The following SEMA3D variants were observed in gnomAD, a reference collection of about 807,000 sequenced individuals.
The protein encoded by SEMA3D is semaphorin-3D.
SEMA3D carries 84 observed loss-of-function variants against 100.1 expected under a neutral mutation model. The observed-to-expected ratio is 0.84, with a 90% CI of 0.70 to 1.01. The LOEUF is 1.01. SEMA3D is among the 50% of genes least tolerant of loss of function. The pLI is 0.00. For synonymous variants in SEMA3D, 312 were observed against 320.7 expected (o/e 0.97, Z 0.29); for missense variants, 875 against 934.1 (o/e 0.94, Z 0.82).
intron 4 of SEMA3D, among the ~76,000 whole-genome samples, chr7:85,082,148 T>A (rs1167520063): frequency 6.6e-6 from 1 of 152,212 alleles, no homozygotes; most frequent in Non-Finnish European, 1.5e-5. Flanking sequence ...CTGTACTTAT[T>A]CTTCCCATTT....
chr7:85,089,612 G>A (rs766317746), intron 4 of SEMA3D, among the ~76,000 whole-genome samples: 1 of 152,160 alleles, frequency 6.6e-6, no homozygotes, highest in East Asian at 1.9e-4. Context: ...GGGTGCCATG[G>A]CTCATGCCCT....
chr7:85,051,216 GA>G (rs931077291), intron 9 of SEMA3D, among the ~76,000 whole-genome samples: 4 of 151,806 alleles, frequency 2.6e-5, no homozygotes, highest in African/African-American at 9.7e-5. Flanking sequence ...TTTAGGTTAA[GA>G]AACTGAGAGA....
chr7:85,021,186 G>C (rs1360321019), intron 13 of SEMA3D, among the ~76,000 whole-genome samples: 1 of 151,504 alleles, frequency 6.6e-6, no homozygotes, highest in South Asian at 2.1e-4. Flanking sequence ...AATAACTCTG[G>C]GATCTTTAAA....
At chr7:85,217,784 T>C in the SEMA3D span, among the ~76,000 whole-genome samples, 1 of 152,114 alleles carries the variant, frequency 6.6e-6, no homozygotes, top group African/African-American at 2.4e-5. Flanking sequence ...TCCTCATTTA[T>C]ACATGGAGAT....
intron 2 of SEMA3D, among the ~76,000 whole-genome samples, chr7:85,122,139 G>A (rs1227549704): frequency 1.3e-5 from 2 of 151,450 alleles, no homozygotes; most frequent in Non-Finnish European, 2.9e-5. Flanking sequence ...TAATGTAGAT[G>A]ACAGGTTGAT....
intron 8 of SEMA3D, 117 bp from the exon 9 acceptor site, chr7:85,055,976 A>C (rs1026687624): frequency 1.9e-6 from 1 of 524,344 alleles, no homozygotes; most frequent in East Asian, 3.7e-5. Context: ...ATGAACTATA[A>C]GCCAGATGTG....
At chr7:85,194,587 G>C in the SEMA3D span, among the ~76,000 whole-genome samples, 1 of 152,066 alleles carries the variant, frequency 6.6e-6, no homozygotes, top group Non-Finnish European at 1.5e-5. Context: ...TTTCAATCCA[G>C]GGTTCTACAG....
chr7:85,196,350 A>G, the SEMA3D span, among the ~76,000 whole-genome samples: 6 of 151,608 alleles, frequency 4.0e-5, no homozygotes, highest in Non-Finnish European at 5.9e-5. Context: ...GAAAACAAAC[A>G]AACAAACAAA....
At chr7:85,222,062 T>C in the SEMA3D span, among the ~76,000 whole-genome samples, 2 of 152,234 alleles carry the variant, frequency 1.3e-5, no homozygotes, top group South Asian at 2.1e-4. Context: ...TGTACATTAC[T>C]AGACCAATTT....
chr7:85,038,274 T>C (rs868058938), intron 11 of SEMA3D, among the ~76,000 whole-genome samples: 37 of 152,288 alleles, frequency 2.4e-4, no homozygotes, highest in African/African-American at 8.7e-4. Flanking sequence ...ATTATTAATA[T>C]TCTTGGAATG....
At chr7:85,110,384 T>C (rs1353249675) in intron 3 of SEMA3D, among the ~76,000 whole-genome samples, 1 of 151,976 alleles carries the variant, frequency 6.6e-6, no homozygotes, top group African/African-American at 2.4e-5. Flanking sequence ...TTAAATTATC[T>C]ACTTATGTGA....
chr7:85,162,881 A>T (rs1416096750), intron 1 of SEMA3D, among the ~76,000 whole-genome samples: 2 of 152,134 alleles, frequency 1.3e-5, no homozygotes, highest in African/African-American at 4.8e-5. Flanking sequence ...CTTGGAACTG[A>T]CTGAAAGGAA....
intron 14 of SEMA3D, among the ~76,000 whole-genome samples, 164 bp downstream of exon 14, chr7:85,020,069 T>C (rs980020760): frequency 2.0e-5 from 3 of 151,618 alleles, no homozygotes; most frequent in African/African-American, 7.3e-5. Context: ...CCATTCCTAG[T>C]CGCTTATAAA....
At chr7:85,091,653 C>G (rs2116285354) in intron 4 of SEMA3D, among the ~76,000 whole-genome samples, 1 of 152,120 alleles carries the variant, frequency 6.6e-6, no homozygotes, top group South Asian at 2.1e-4. Flanking sequence ...CACTTGTAGT[C>G]AAACTGACAG....
At position 85,040,696 on chromosome 7, in the gene SEMA3D, T is replaced by C. The variant is rs142039244; in HGVS notation, c.1023A>G (p.Val341=). ...LPTRDERNPV[V]YGVFTTTSSI... ...ACCTGGTTGTAGTAAAGACTCCATA[T>C]ACTACAGGATTTCTTTCATCTCTTG... is the stretch of plus-strand genomic sequence containing the variant. The change falls in exon 11 of 19, where the codon GTA becomes GTG. Residue 341 remains valine, a synonymous_variant. Coordinates refer to ENST00000284136, the MANE Select transcript of SEMA3D (RefSeq NM_001384900.1). The C allele has an allele frequency of 5.1e-4, 752 of 1,480,636 alleles. 1 individual carries two copies. Among genetic ancestry groups the C allele is most frequent in the Non-Finnish European group, 6.5e-4 (694 of 1,061,106 alleles). 91.7% of individuals were successfully genotyped at this position (1,480,636 alleles called of 1,614,324 possible).
chr7:85,073,020 C>T lies in SEMA3D; in HGVS notation c.437G>A (p.Cys146Tyr). ...QPYNKTHIYV[C>Y]GTGAFHPICG... ...TATTGGATGAAATGCTCCAGTTCCA[C>T]ACACATATATGTGAGTTTTGTTATA... is the stretch of plus-strand genomic sequence containing the variant. The change falls in exon 6 of 19, where the codon TGT (cysteine) becomes TAT (tyrosine). Residue 146 changes from cysteine to tyrosine, a missense_variant. Cys to Tyr is a radical substitution (Grantham distance 194). Coordinates refer to ENST00000284136, the MANE Select transcript of SEMA3D (RefSeq NM_001384900.1). 6.2e-7 allele frequency: 1 copy of T among 1,611,198 alleles called. No homozygotes were observed.
In SEMA3D at chr7:85,123,902, G is replaced by A. The variant is rs376544608; in HGVS notation, c.-40-1971C>T. 3.2e-4 allele frequency among the ~76,000 whole-genome samples: 48 copies of A among 151,872 alleles called. No individual in the cohort carries two copies. The East Asian group carries it at 7.7e-3, about 25-fold the overall frequency. ...TACATTTAATTGACATTTCCTGAAC[G>A]TTTCACCTAAATTAAATAAAATTTG... is the stretch of plus-strand genomic sequence containing the variant. On this transcript the variant is annotated intron_variant, in intron 2 of 18. Transcript: ENST00000284136.
Position 85,029,444 on chromosome 7 carries a change from A to T in SEMA3D, c.1192-6831T>A, listed in dbSNP as rs2286187. On this transcript the variant is annotated intron_variant, in intron 12 of 18. Coordinates refer to ENST00000284136, the MANE Select transcript of SEMA3D (RefSeq NM_001384900.1). ...GATGAGAAACTTCAAGTCAAGATTA[A>T]CAATGAGCACAAACAGAAGATTCTT... 3.7e-4 allele frequency: 277 copies of T among 752,370 alleles called. 2 individuals are homozygous for T. The East Asian group carries it at 5.0e-3, about 14-fold the overall frequency. The allele number at this position is 752,370 out of a possible 1,614,324, so 46.6% of individuals were successfully genotyped here. A position where few individuals can be genotyped will look rare whatever the true frequency, so the allele number is the denominator to read the frequency against.
the SEMA3D span, among the ~76,000 whole-genome samples, chr7:85,210,578 A>T: frequency 3.3e-5 from 5 of 152,014 alleles, no homozygotes; most frequent in East Asian, 9.6e-4. Flanking sequence ...TTTGTCCTAC[A>T]TTAGAAACAT....
Sources: gnomAD v4.1 joint callset for allele counts (sites outside exome capture counted in the v4.1 genomes callset) on GRCh38, gnomAD v4.1.1 for gene constraint, MANE v1.5 for transcripts, NCBI Gene and HGNC (gene_info 2026-07-23, HGNC 2026-07-21) for gene names.